PPM1D: variants seen among roughly 807,000 people sequenced by gnomAD.
PPM1D encodes protein phosphatase, Mg2+/Mn2+ dependent 1D.
Under a neutral mutation model 58.3 loss-of-function variants are expected in PPM1D, and 52 were observed. The ratio of observed to expected loss-of-function variants is 0.89; its 90% CI spans 0.71 to 1.12. PPM1D has a LOEUF of 1.12. PPM1D is among the 50% of genes most tolerant of loss of function. The probability of loss-of-function intolerance (pLI) is 0.00; values close to 1 mark genes in which losing one functional copy is unlikely to be tolerated. For synonymous variants in PPM1D, 278 were observed against 285.1 expected (o/e 0.98, Z 0.25); for missense variants, 564 against 777.2 (o/e 0.73, Z 3.26).
At chr17:60,634,162 G>C (rs1567971236) in intron 3 of PPM1D, among the ~76,000 whole-genome samples, 185 bp downstream of exon 3, 1 of 152,162 alleles carries the variant, frequency 6.6e-6, no homozygotes, top group East Asian at 1.9e-4. Flanking sequence ...TATAATCCCA[G>C]CACTTTGGGA....
At chr17:60,610,754 C>T (rs1296075388) in intron 1 of PPM1D, among the ~76,000 whole-genome samples, 1 of 152,160 alleles carries the variant, frequency 6.6e-6, no homozygotes, top group African/African-American at 2.4e-5. Flanking sequence ...TCTGGTCTTT[C>T]ATAGAAAAGG....
chr17:60,646,779 C>G (rs1022930152), intron 3 of PPM1D, among the ~76,000 whole-genome samples: 1 of 152,112 alleles, frequency 6.6e-6, no homozygotes, highest in African/African-American at 2.4e-5. Context: ...GAAGTTTAGG[C>G]ATTGTTTTTA....
intron 1 of PPM1D, among the ~76,000 whole-genome samples, chr17:60,619,875 C>T (rs534094965): frequency 5.9e-5 from 9 of 152,100 alleles, no homozygotes; most frequent in South Asian, 4.1e-4. Context: ...TTTGAATTTC[C>T]GTCATGATGC....
chr17:60,649,815 T>TA (rs908952881), intron 4 of PPM1D, among the ~76,000 whole-genome samples: 2 of 152,184 alleles, frequency 1.3e-5, no homozygotes, highest in African/African-American at 4.8e-5. Context: ...ATAGAATATA[T>TA]AAAAAACTAA....
intron 3 of PPM1D, among the ~76,000 whole-genome samples, chr17:60,643,003 A>G (rs1241595599): frequency 6.6e-6 from 1 of 150,668 alleles, no homozygotes; most frequent in Non-Finnish European, 1.5e-5. Flanking sequence ...AGGAGGCGAG[A>G]TCACGCCACT....
intron 3 of PPM1D, among the ~76,000 whole-genome samples, chr17:60,642,841 C>G (rs1394410820): frequency 6.6e-6 from 1 of 150,994 alleles, no homozygotes; most frequent in Non-Finnish European, 1.5e-5. Flanking sequence ...CCGAGGTGGG[C>G]GGATCACGAG....
chr17:60,640,750 A>G (rs2031117745), intron 3 of PPM1D, among the ~76,000 whole-genome samples: 2 of 151,844 alleles, frequency 1.3e-5, no homozygotes, highest in African/African-American at 4.8e-5. Flanking sequence ...CTTCATGTGT[A>G]CTCAATGTTT....
intron 3 of PPM1D, among the ~76,000 whole-genome samples, chr17:60,643,751 A>C (rs553456312): frequency 7.2e-5 from 11 of 152,302 alleles, no homozygotes; most frequent in African/African-American, 2.6e-4. Context: ...GAAGGACATG[A>C]CATCAGCAAT....
intron 2 of PPM1D, among the ~76,000 whole-genome samples, chr17:60,629,026 C>G (rs2143665027): frequency 6.6e-6 from 1 of 152,270 alleles, no homozygotes; most frequent in Non-Finnish European, 1.5e-5. Flanking sequence ...TACTGAGTAG[C>G]AGGGTGACCA....
intron 4 of PPM1D, among the ~76,000 whole-genome samples, chr17:60,654,913 T>C (rs963859269): frequency 1.8e-4 from 27 of 151,584 alleles, no homozygotes; most frequent in African/African-American, 5.8e-4. Context: ...AAAAAATACA[T>C]GTAGGCTTAT....
chr17:60,627,218 T>G (rs2143661810), intron 2 of PPM1D, among the ~76,000 whole-genome samples: 1 of 152,334 alleles, frequency 6.6e-6, no homozygotes, highest in East Asian at 1.9e-4. Flanking sequence ...ATATTTTCTT[T>G]TAGTACAACA....
At chr17:60,609,090 T>G (rs2030398324) in intron 1 of PPM1D, among the ~76,000 whole-genome samples, 1 of 150,486 alleles carries the variant, frequency 6.6e-6, no homozygotes, top group Non-Finnish European at 1.5e-5. Flanking sequence ...CATTTTGTAT[T>G]TTGTTTGTTT....
chr17:60,615,049 T>C (rs1276305003), intron 1 of PPM1D, among the ~76,000 whole-genome samples: 1 of 152,216 alleles, frequency 6.6e-6, no homozygotes, highest in Non-Finnish European at 1.5e-5. Context: ...ATAGAGATGT[T>C]ATAACAATTT....
chr17:60,602,519 A>C (rs1230568268), intron 1 of PPM1D, among the ~76,000 whole-genome samples: 2 of 151,978 alleles, frequency 1.3e-5, no homozygotes, highest in Non-Finnish European at 1.5e-5. Context: ...TCCTGGGCTC[A>C]AGCGATCCTT....
intron 4 of PPM1D, among the ~76,000 whole-genome samples, chr17:60,649,098 T>TC (rs1306536149): frequency 1.3e-5 from 2 of 151,408 alleles, no homozygotes; most frequent in Admixed American, 6.6e-5. Flanking sequence ...TGTTTTTTTT[T>TC]CCCCCCAAGA....
chr17:60,642,552 G>A (rs1031658080), intron 3 of PPM1D, among the ~76,000 whole-genome samples: 3 of 151,904 alleles, frequency 2.0e-5, no homozygotes, highest in African/African-American at 7.3e-5. Context: ...TCTGGCTCCT[G>A]GGTTCAAGTG....
At chr17:60,620,190 G>T (rs1005270629) in intron 1 of PPM1D, among the ~76,000 whole-genome samples, 2 of 151,964 alleles carry the variant, frequency 1.3e-5, no homozygotes, top group Non-Finnish European at 2.9e-5. Flanking sequence ...GTAGAGACGG[G>T]GTTTCACCGT....
chr17:60,630,192 TATAA>T (rs906384145), intron 2 of PPM1D, among the ~76,000 whole-genome samples: 87 of 152,064 alleles, frequency 5.7e-4, no homozygotes, highest in African/African-American at 1.6e-3. Context: ...TTTTTATAAT[TATAA>T]ATAAATAAAA....
intron 2 of PPM1D, among the ~76,000 whole-genome samples, chr17:60,632,695 G>C (rs181533475): frequency 0.01 from 1,526 of 151,268 alleles, 16 homozygotes; most frequent in African/African-American, 0.032. Flanking sequence ...CCTCAAAAAA[G>C]AAAAAATTAG....
Sources: gnomAD v4.1 joint callset for allele counts (sites outside exome capture counted in the v4.1 genomes callset) on GRCh38, gnomAD v4.1.1 for gene constraint, MANE v1.5 for transcripts, NCBI Gene and HGNC (gene_info 2026-07-23, HGNC 2026-07-21) for gene names.